The following MED27 variants were observed in gnomAD, a reference collection of about 807,000 sequenced individuals.
The protein encoded by MED27 is mediator of RNA polymerase II transcription subunit 27.
MED27 carries 30 observed loss-of-function variants against 38.2 expected under a neutral mutation model. The ratio of observed to expected loss-of-function variants is 0.79; its 90% CI spans 0.59 to 1.07. MED27 has a LOEUF of 1.07. Ranked by LOEUF, MED27 falls within the 50% of genes least tolerant of loss-of-function variation. MED27 has a pLI of 0.00. For synonymous variants in MED27, 122 were observed against 153.5 expected, an observed-to-expected ratio of 0.79 and a Z score of 1.52; for missense variants, 289 against 397.5, an observed-to-expected ratio of 0.73 and a Z score of 2.32.
chr9:131,870,721 G>A (rs760629053), intron 6 of MED27, among the ~76,000 whole-genome samples: 1 of 152,150 alleles, frequency 6.6e-6, no homozygotes, highest in Non-Finnish European at 1.5e-5. Context: ...CTGGACCTCA[G>A]CACTTTGAGG....
At chr9:131,869,392 A>T in intron 6 of MED27, 1 of 95,824 alleles carries the variant, frequency 1.0e-5, no homozygotes, top group Non-Finnish European at 1.7e-5. Context: ...GGCCTGGGGC[A>T]AAAAAAAAAA....
intron 3 of MED27, among the ~76,000 whole-genome samples, chr9:131,984,282 ATTGT>A (rs1462267501): frequency 3.3e-5 from 5 of 152,038 alleles, no homozygotes; most frequent in African/African-American, 1.2e-4. Context: ...ATGACTTCTG[ATTGT>A]TTGTCTTCCA....
intron 1 of MED27, among the ~76,000 whole-genome samples, 169 bp downstream of exon 1, chr9:132,079,473 G>T (rs562144735): frequency 3.3e-5 from 5 of 152,286 alleles, no homozygotes; most frequent in African/African-American, 1.2e-4. Flanking sequence ...AAGCGGGGAT[G>T]GTGTTAAGAT....
At chr9:132,079,562 C>T (rs1331194322) in intron 1 of MED27, 80 bp downstream of exon 1, 5 of 1,341,412 alleles carry the variant, frequency 3.7e-6, no homozygotes, top group African/African-American at 1.5e-5. Flanking sequence ...ACAGCCCCTG[C>T]CTGGGAAGAC....
At chr9:132,040,124 TC>T (rs1833174777) in intron 2 of MED27, among the ~76,000 whole-genome samples, 1 of 152,216 alleles carries the variant, frequency 6.6e-6, no homozygotes, top group Admixed American at 6.5e-5. Flanking sequence ...CAAAATGCTG[TC>T]AGCTACAAAT....
At chr9:132,067,813 G>A (rs928810271) in intron 2 of MED27, among the ~76,000 whole-genome samples, 12 of 151,796 alleles carry the variant, frequency 7.9e-5, no homozygotes, top group African/African-American at 2.2e-4. Context: ...CCGGGTTCAC[G>A]CCATTCTCCT....
intron 4 of MED27, among the ~76,000 whole-genome samples, chr9:131,916,130 C>T (rs1830283055): frequency 6.6e-6 from 1 of 152,158 alleles, no homozygotes; most frequent in Non-Finnish European, 1.5e-5. Flanking sequence ...AATTGAGCAA[C>T]TGTTTTATCT....
chr9:132,027,239 G>C (rs1832844463), intron 2 of MED27, among the ~76,000 whole-genome samples: 1 of 152,214 alleles, frequency 6.6e-6, no homozygotes, highest in Admixed American at 6.5e-5. Context: ...GGTTACCCAG[G>C]TAGTAAGGGT....
chr9:131,869,060 A>G, intron 6 of MED27: 1 of 985,404 alleles, frequency 1.0e-6, no homozygotes, highest in Non-Finnish European at 1.2e-6. Flanking sequence ...TAAAGCATAT[A>G]TTCTCTTCCA....
intron 3 of MED27, among the ~76,000 whole-genome samples, chr9:131,971,030 G>A (rs891963485): frequency 3.7e-4 from 56 of 152,214 alleles, no homozygotes; most frequent in Admixed American, 2.2e-3. Context: ...TTCGGGGGTA[G>A]AATGACATGA....
intron 2 of MED27, among the ~76,000 whole-genome samples, chr9:132,053,735 T>C (rs4292819): frequency 0.57 from 85,850 of 151,904 alleles, 26,403 homozygotes; most frequent in Non-Finnish European, 0.68. Context: ...TCTCCTACTT[T>C]TCTCCAAGTT....
intron 6 of MED27, among the ~76,000 whole-genome samples, chr9:131,877,303 C>T (rs568149137): frequency 2.0e-5 from 3 of 152,160 alleles, no homozygotes; most frequent in South Asian, 2.1e-4. Context: ...CAGTGGCTCA[C>T]GTCTGTAATC....
At chr9:131,981,098 A>G (rs1203353103) in intron 3 of MED27, among the ~76,000 whole-genome samples, 1 of 152,240 alleles carries the variant, frequency 6.6e-6, no homozygotes, top group Non-Finnish European at 1.5e-5. Flanking sequence ...CCTAATTGCA[A>G]CAAAGAACAC....
intron 3 of MED27, 144 bp downstream of exon 3, chr9:132,014,193 G>T: frequency 3.4e-6 from 3 of 880,256 alleles, no homozygotes; most frequent in Non-Finnish European, 5.1e-6. Flanking sequence ...TTCCAGCCAG[G>T]GTGAAAAAGT....
intron 3 of MED27, among the ~76,000 whole-genome samples, chr9:132,001,369 C>T (rs1832230657): frequency 6.6e-6 from 1 of 151,942 alleles, no homozygotes; most frequent in African/African-American, 2.4e-5. Context: ...TTTGTAGCCT[C>T]AAATAAACCT....
At chr9:132,010,246 G>A (rs1832455949) in intron 3 of MED27, among the ~76,000 whole-genome samples, 1 of 152,210 alleles carries the variant, frequency 6.6e-6, no homozygotes, top group South Asian at 2.1e-4. Flanking sequence ...CTTCTCAAAA[G>A]AAGACATTTA....
intron 3 of MED27, among the ~76,000 whole-genome samples, chr9:131,940,009 C>T (rs533932611): frequency 1.3e-5 from 2 of 149,728 alleles, no homozygotes; most frequent in Non-Finnish European, 3.0e-5. Flanking sequence ...CGGGTTCAAG[C>T]GATTCTCCTG....
intron 6 of MED27, among the ~76,000 whole-genome samples, chr9:131,875,501 A>T (rs1233460740): frequency 1.3e-5 from 2 of 152,042 alleles, no homozygotes; most frequent in African/African-American, 2.4e-5. Flanking sequence ...GTCACTGAGG[A>T]AGAGGCCTGC....
chr9:131,973,447 TTTTTC>T (rs1383432064), intron 3 of MED27, among the ~76,000 whole-genome samples: 1 of 146,868 alleles, frequency 6.8e-6, no homozygotes, highest in Non-Finnish European at 1.5e-5. Context: ...TCTTTTTTTC[TTTTTC>T]TTTTCTTTTT....
Sources: gnomAD v4.1 joint callset for allele counts (sites outside exome capture counted in the v4.1 genomes callset) on GRCh38, gnomAD v4.1.1 for gene constraint, MANE v1.5 for transcripts, NCBI Gene and HGNC (gene_info 2026-07-23, HGNC 2026-07-21) for gene names.